Variants in TTC39C observed in about 807,000 individuals in gnomAD.
TTC39C encodes tetratricopeptide repeat domain 39C, also known as tetratricopeptide repeat protein 39C.
Under a neutral mutation model 76.3 loss-of-function variants are expected in TTC39C, and 33 were observed. That is an observed-to-expected ratio of 0.43 (90% confidence interval 0.33 to 0.58). The LOEUF (loss-of-function observed/expected upper bound fraction) is 0.58, where lower values mean the gene tolerates loss of function less well. Among genes scored for constraint, TTC39C ranks in the 20% least tolerant of loss-of-function variants. The probability of loss-of-function intolerance (pLI) is 0.04; values close to 1 mark genes in which losing one functional copy is unlikely to be tolerated. For synonymous variants in TTC39C, 254 were observed against 260.6 expected (o/e 0.97, Z 0.24); for missense variants, 595 against 701.4 (o/e 0.85, Z 1.71).
upstream of TTC39C, among the ~76,000 whole-genome samples, chr18:24,009,807 T>C (rs995879895): frequency 5.3e-5 from 8 of 152,226 alleles, no homozygotes; most frequent in African/African-American, 1.9e-4. Context: ...AAACCATTAC[T>C]GCACTCCAGT....
chr18:24,089,331 C>G (rs1169162178), intron 6 of TTC39C, among the ~76,000 whole-genome samples: 1 of 152,110 alleles, frequency 6.6e-6, no homozygotes, highest in Non-Finnish European at 1.5e-5. Context: ...TTTATAGGAT[C>G]AGGAAAAAGG....
At chr18:24,080,100 C>T (rs376555848) in intron 4 of TTC39C, among the ~76,000 whole-genome samples, 22 of 152,322 alleles carry the variant, frequency 1.4e-4, no homozygotes, top group East Asian at 1.2e-3. Flanking sequence ...CCGCACCCAA[C>T]CTTGGCTAGA....
chr18:24,070,533 G>A (rs2084225239), intron 4 of TTC39C, among the ~76,000 whole-genome samples: 1 of 152,092 alleles, frequency 6.6e-6, no homozygotes, highest in Non-Finnish European at 1.5e-5. Context: ...CTCTCATAAG[G>A]AGCTAATTTT....
At chr18:24,006,727 A>G (rs2083355994) in intron 1 of TTC39C, among the ~76,000 whole-genome samples, 1 of 152,236 alleles carries the variant, frequency 6.6e-6, no homozygotes, top group Non-Finnish European at 1.5e-5. Context: ...ATCAATGCAT[A>G]AGATATAAGT....
chr18:24,039,935 C>T (rs939710805), intron 1 of TTC39C, among the ~76,000 whole-genome samples: 1 of 152,110 alleles, frequency 6.6e-6, no homozygotes, highest in South Asian at 2.1e-4. Flanking sequence ...AGAGGGAATA[C>T]AGGAAGAGGA....
chr18:23,997,601 G>A lies in TTC39C; in HGVS notation c.-17+4563G>A, dbSNP rs574677458. On this transcript the variant is annotated intron_variant, in intron 1 of 13. Coordinates refer to the TTC39C transcript ENST00000304621. ...GAGAAAGAAAGAAAGAAAGAGGGAA[G>A]GAGGGAGGGAGGAAAGAAAAGAAAA... 2.1e-5 allele frequency among the ~76,000 whole-genome samples: 3 copies of A among 141,018 alleles called. No homozygotes were observed. In the South Asian group the frequency reaches 7.0e-4, roughly 33 times the overall value. The allele number at this position is 141,018 out of a possible 152,430, so 92.5% of individuals were successfully genotyped here. A position where few individuals can be genotyped will look rare whatever the true frequency, so the allele number is the denominator to read the frequency against.
At chr18:24,029,688 ATTGTCATTGTTATGCCT>A (rs1210886385) in intron 1 of TTC39C, among the ~76,000 whole-genome samples, 3 of 14,258 alleles carry the variant, frequency 2.1e-4, no homozygotes, top group Non-Finnish European at 2.0e-3. Context: ...CCCAAAGTCT[ATTGTCATTGTTATGCCT>A]TTGTGTCCTC....
chr18:24,061,822 G>A (rs1245240470), intron 1 of TTC39C, among the ~76,000 whole-genome samples: 1 of 152,042 alleles, frequency 6.6e-6, no homozygotes, highest in Non-Finnish European at 1.5e-5. Flanking sequence ...GAGAATGGCT[G>A]GAACCTGGGA....
chr18:24,045,286 A>G (rs1372746552), intron 1 of TTC39C, among the ~76,000 whole-genome samples: 2 of 151,486 alleles, frequency 1.3e-5, no homozygotes, highest in Admixed American at 6.6e-5. Context: ...AAAAAAAAGC[A>G]TGTAGCGTGT....
chr18:24,126,375 C>T (rs1034725773), intron 10 of TTC39C, among the ~76,000 whole-genome samples: 14 of 149,118 alleles, frequency 9.4e-5, no homozygotes, highest in Non-Finnish European at 1.9e-4. Context: ...ATCCATTGAG[C>T]CACATATTTT....
chr18:24,014,698 G>T (rs1164512387), upstream of TTC39C: 22 of 1,000,778 alleles, frequency 2.2e-5, no homozygotes, highest in Non-Finnish European at 2.6e-5. Flanking sequence ...GCCGGGCCGC[G>T]GCTCCTCCCT....
chr18:24,129,682 G>A (rs538138160), intron 11 of TTC39C, among the ~76,000 whole-genome samples: 19 of 150,630 alleles, frequency 1.3e-4, no homozygotes, highest in Non-Finnish European at 2.2e-4. Flanking sequence ...GCTGAGGCAC[G>A]AGAATTGCTT....
intron 6 of TTC39C, among the ~76,000 whole-genome samples, chr18:24,098,849 A>G (rs992870797): frequency 1.3e-5 from 2 of 151,544 alleles, no homozygotes; most frequent in Non-Finnish European, 2.9e-5. Flanking sequence ...CCAGGCTGGT[A>G]TCGAACTCCT....
At chr18:24,006,111 C>G (rs1216083120) in intron 1 of TTC39C, among the ~76,000 whole-genome samples, 2 of 151,628 alleles carry the variant, frequency 1.3e-5, no homozygotes, top group African/African-American at 4.9e-5. Flanking sequence ...CTCCTAGGCT[C>G]AAGCCATCCT....
chr18:24,087,518 G>A (rs1001158515), intron 6 of TTC39C, among the ~76,000 whole-genome samples: 1 of 151,478 alleles, frequency 6.6e-6, no homozygotes, highest in African/African-American at 2.4e-5. Context: ...ATAAATGAAA[G>A]TCGTTTTCTA....
At chr18:24,061,356 A>G (rs1334591823) in intron 1 of TTC39C, among the ~76,000 whole-genome samples, 1 of 151,864 alleles carries the variant, frequency 6.6e-6, no homozygotes, top group Non-Finnish European at 1.5e-5. Flanking sequence ...TTCACATAGC[A>G]TTCCCACTCC....
intron 6 of TTC39C, among the ~76,000 whole-genome samples, chr18:24,094,194 A>T (rs767915437): frequency 1.5e-4 from 23 of 152,148 alleles, no homozygotes; most frequent in Non-Finnish European, 3.1e-4. Flanking sequence ...TTTCTCACTC[A>T]TCTTAAGCCC....
intron 1 of TTC39C, among the ~76,000 whole-genome samples, chr18:24,029,925 T>G (rs2083647558): frequency 6.6e-6 from 1 of 152,250 alleles, no homozygotes; most frequent in Non-Finnish European, 1.5e-5. Context: ...TGGGCTGGTT[T>G]CATATTTTTG....
chr18:24,049,721 C>T (rs1427045055), intron 1 of TTC39C, among the ~76,000 whole-genome samples: 1 of 152,126 alleles, frequency 6.6e-6, no homozygotes, highest in African/African-American at 2.4e-5. Flanking sequence ...GGTCAGTGGC[C>T]CAGGCGGGAA....
Sources: allele counts gnomAD v4.1 joint callset (sites outside exome capture counted in the v4.1 genomes callset), GRCh38; gene constraint gnomAD v4.1.1; transcripts MANE v1.5; gene names NCBI Gene and HGNC (gene_info 2026-07-23, HGNC 2026-07-21).